Variants in ADARB1 observed in about 807,000 individuals in gnomAD.
The protein encoded by ADARB1 is adenosine deaminase RNA specific B1.
A neutral mutation model predicts 52.4 loss-of-function variants in ADARB1; 10 were observed. The observed-to-expected ratio is 0.19, with a 90% CI of 0.12 to 0.32. The LOEUF (loss-of-function observed/expected upper bound fraction) is 0.32, where lower values mean the gene tolerates loss of function less well. ADARB1 is among the 10% of genes least tolerant of loss of function. ADARB1 has a pLI of 1.00. For synonymous variants in ADARB1, 349 were observed against 371.1 expected (o/e 0.94, Z 0.68); for missense variants, 643 against 922.3 (o/e 0.70, Z 3.92).
intron 6 of ADARB1, 94 bp downstream of exon 6, chr21:45,182,847 C>A: frequency 8.4e-7 from 1 of 1,186,288 alleles, no homozygotes; most frequent in Non-Finnish European, 1.1e-6. Flanking sequence ...TTTCTGTAAT[C>A]ATGGAAAATC....
At chr21:45,131,177 A>G (rs552557813) in intron 2 of ADARB1, among the ~76,000 whole-genome samples, 6 of 152,352 alleles carry the variant, frequency 3.9e-5, no homozygotes, top group African/African-American at 1.4e-4. Flanking sequence ...ATGCCACTGT[A>G]TGGACATTTA....
chr21:45,084,849 C>A (rs192384249), intron 1 of ADARB1, among the ~76,000 whole-genome samples: 116 of 152,222 alleles, frequency 7.6e-4, no homozygotes, highest in African/African-American at 2.6e-3. Flanking sequence ...GGTGTCCAAC[C>A]CACCCAGTGT....
In ADARB1 at chr21:45,224,014, A is replaced by G. The variant is rs187369071; in HGVS notation, c.*1817A>G. 4.0e-4 allele frequency: 398 copies of G among 985,476 alleles called. 2 individuals carry two copies. In the African/African-American group the frequency reaches 5.0e-3, roughly 12 times the overall value. The allele number at this position is 985,476 out of a possible 1,614,324, so 61.0% of individuals were successfully genotyped here. A position where few individuals can be genotyped will look rare whatever the true frequency, so the allele number is the denominator to read the frequency against. On this transcript the variant is annotated 3_prime_UTR_variant, in exon 11 of 11. Transcript: ENST00000348831. ...CACCACAGTGGGGTTTTGTTCAGGC[A>G]GATCGCGCTGGGGTTCTGCACCTGC...
At chr21:45,155,261 C>T (rs2090495550) in intron 2 of ADARB1, among the ~76,000 whole-genome samples, 1 of 152,122 alleles carries the variant, frequency 6.6e-6, no homozygotes, top group Admixed American at 6.5e-5. Context: ...GTAGAGAGGC[C>T]TGCTCCCCCT....
intron 1 of ADARB1, among the ~76,000 whole-genome samples, chr21:45,081,443 G>A (rs1258473757): frequency 2.0e-5 from 3 of 152,196 alleles, no homozygotes; most frequent in South Asian, 4.1e-4. Flanking sequence ...TATAAAATAG[G>A]CTTTGTATTA....
intron 9 of ADARB1, among the ~76,000 whole-genome samples, chr21:45,210,710 G>T (rs766616359): frequency 2.0e-5 from 3 of 152,194 alleles, no homozygotes; most frequent in Non-Finnish European, 4.4e-5. Context: ...CTGTCCCTAG[G>T]ACAAGTACAG....
rs1442589875 is a variant in ADARB1 at position 45,185,098 on chromosome 21, G to A, written c.1565+7G>A. ...GCAGTGACAAGATTGCACGGTAAGG[G>A]GCGGGGGCTCCCTGTGGCCACCTCC... On this transcript the variant is annotated splice_region_variant and intron_variant, in intron 8 of 10. Coordinates refer to ENST00000348831, the MANE Select transcript of ADARB1 (RefSeq NM_001112.4). 3 of 1,612,696 alleles carry A rather than the reference G, an allele frequency of 1.9e-6. No individual in the cohort carries two copies. Among genetic ancestry groups the A allele is most frequent in the South Asian group, 1.1e-5 (1 of 91,018 alleles).
Position 45,200,510 on chromosome 21 carries a change from G to A in ADARB1, c.1566-4045G>A, listed in dbSNP as rs1205977822. On this transcript the variant is annotated intron_variant, in intron 8 of 10. Coordinates refer to ENST00000348831, the MANE Select transcript of ADARB1 (RefSeq NM_001112.4). This position sits in a 1 kb window ranked among gnomAD's most constrained non-coding sequence, Gnocchi z 5.0. ...ACCAGCAGCCTGTCTATTCAGAGTC[G>A]GCTATGGCAAGGGGGCCAGAGCACT... Among the ~76,000 whole-genome samples, 2 of 152,168 alleles carry A rather than the reference G, an allele frequency of 1.3e-5. No individual in the cohort carries two copies. The highest frequency in any genetic ancestry group is 2.1e-4 in the South Asian group (1 of 4,824).
rs2093031942 is a variant in ADARB1, at chr21:45,224,676, GCCGGGGCA to G, written c.*2480_*2487del. 2.2e-6 allele frequency: 2 copies of G among 903,556 alleles called. No homozygotes were observed. The highest frequency in any genetic ancestry group is 1.6e-4 in the East Asian group (1 of 6,158). The allele number at this position is 903,556 out of a possible 1,614,324, so 56.0% of individuals were successfully genotyped here. A position where few individuals can be genotyped will look rare whatever the true frequency, so the allele number is the denominator to read the frequency against. On this transcript the variant is annotated 3_prime_UTR_variant, in exon 11 of 11. Coordinates refer to ENST00000348831, the MANE Select transcript of ADARB1 (RefSeq NM_001112.4). ...GGGAACTGGGTTCCGGGAGCCCTGG[GCCGGGGCA>G]GGGGGCGGCTGTAGGAAGGAACTGG... is the stretch of plus-strand genomic sequence containing the variant.
intron 2 of ADARB1, among the ~76,000 whole-genome samples, chr21:45,165,394 T>C (rs1222198541): frequency 1.3e-5 from 2 of 152,238 alleles, no homozygotes; most frequent in East Asian, 1.9e-4. Context: ...ATTTTAATTA[T>C]CTCCTTTTGC....
intron 1 of ADARB1, among the ~76,000 whole-genome samples, chr21:45,079,164 G>A (rs2086057726): frequency 6.6e-6 from 1 of 152,178 alleles, no homozygotes; most frequent in African/African-American, 2.4e-5. Context: ...CTGAATTTCA[G>A]CATTTGTAAG....
chr21:45,183,639 GTC>G, intron 7 of ADARB1, 129 bp downstream of exon 7: 1 of 1,093,442 alleles, frequency 9.1e-7, no homozygotes, highest in Non-Finnish European at 1.3e-6. Context: ...TCTGATAAGA[GTC>G]TCTATAAAAG....
At chr21:45,210,223 G>C (rs1054910264) in intron 9 of ADARB1, among the ~76,000 whole-genome samples, 1 of 152,174 alleles carries the variant, frequency 6.6e-6, no homozygotes, top group Non-Finnish European at 1.5e-5. Context: ...CAACTTTCTA[G>C]TGATTGGAAC....
rs1602089989 is a variant in ADARB1, at chr21:45,223,388, C to T, written c.*1191C>T. On this transcript the variant is annotated 3_prime_UTR_variant, in exon 11 of 11. Transcript: ENST00000348831. The stretch of plus-strand genomic sequence containing the variant: ...AGCGCCCAGCGTGCACGGGACGGCC[C>T]CACGACAGAGGGAGTCAGCCCGGGA... The T allele has an allele frequency of 3.0e-6, 3 of 985,722 alleles. No homozygotes were observed. Among genetic ancestry groups the T allele is most frequent in the Non-Finnish European group, 3.6e-6 (3 of 830,168 alleles). The allele number at this position is 985,722 out of a possible 1,614,324, so 61.1% of individuals were successfully genotyped here.
Position 45,225,203 on chromosome 21 carries a change from G to A in ADARB1, c.*3006G>A. On this transcript the variant is annotated 3_prime_UTR_variant, in exon 11 of 11. Coordinates refer to ENST00000348831, the MANE Select transcript of ADARB1 (RefSeq NM_001112.4). ...CTAGTGGGAGGTCTCAGGTGGGGCG[G>A]TGTGTTCTGTGCCATGAGGCAGCGA... 1.9e-6 allele frequency: 2 copies of A among 1,061,820 alleles called. No individual in the cohort carries two copies. The highest frequency in any genetic ancestry group is 2.3e-6 in the Non-Finnish European group (2 of 880,426). 65.8% of individuals were successfully genotyped at this position (1,061,820 alleles called of 1,614,324 possible).
chr21:45,205,173 A>G (rs375369987), intron 9 of ADARB1, among the ~76,000 whole-genome samples: 1 of 152,110 alleles, frequency 6.6e-6, no homozygotes, highest in East Asian at 1.9e-4. Context: ...AGGTGGGAGG[A>G]TCACCTGAGC....
chr21:45,098,782 C>T (rs1258325943), intron 1 of ADARB1, among the ~76,000 whole-genome samples: 1 of 152,182 alleles, frequency 6.6e-6, no homozygotes, highest in Non-Finnish European at 1.5e-5. Flanking sequence ...AGCCTCCTTT[C>T]GAGCACTTTC....
intron 2 of ADARB1, among the ~76,000 whole-genome samples, chr21:45,165,177 GAGGA>G (rs2091198404): frequency 6.6e-6 from 1 of 152,090 alleles, no homozygotes; most frequent in Non-Finnish European, 1.5e-5. Flanking sequence ...CCCTTTTAGT[GAGGA>G]AGGAACTAGA....
intron 4 of ADARB1, among the ~76,000 whole-genome samples, chr21:45,179,251 C>T (rs987735836): frequency 1.3e-5 from 2 of 152,220 alleles, no homozygotes; most frequent in African/African-American, 4.8e-5. Flanking sequence ...GTCCATTCTC[C>T]ACATGACTTG....
Sources: allele counts gnomAD v4.1 joint callset (sites outside exome capture counted in the v4.1 genomes callset), GRCh38; gene constraint gnomAD v4.1.1; non-coding constraint Gnocchi (gnomAD v3.1); transcripts MANE v1.5; gene names NCBI Gene and HGNC (gene_info 2026-07-23, HGNC 2026-07-21).